CTSS: variants seen among roughly 807,000 people sequenced by gnomAD.
CTSS encodes cathepsin S.
A neutral mutation model predicts 39.9 loss-of-function variants in CTSS; 15 were observed. The observed-to-expected ratio is 0.38, with a 90% CI of 0.25 to 0.58. The LOEUF (loss-of-function observed/expected upper bound fraction) is 0.58. Ranked by LOEUF, CTSS falls within the 20% of genes least tolerant of loss-of-function variation. The pLI is 0.70. For missense variants in CTSS, 250 were observed against 398.2 expected, an observed-to-expected ratio of 0.63 and a Z score of 3.17; for synonymous variants, 126 against 138.2, an observed-to-expected ratio of 0.91 and a Z score of 0.62.
intron 7 of CTSS, among the ~76,000 whole-genome samples, chr1:150,746,517 A>T (rs1652898386): frequency 6.6e-6 from 1 of 152,194 alleles, no homozygotes; most frequent in Admixed American, 6.5e-5. Flanking sequence ...AGACAGGTAA[A>T]TATACAATTT....
At chr1:150,757,746 G>T in intron 3 of CTSS, 112 bp downstream of exon 3, 1 of 1,089,544 alleles carries the variant, frequency 9.2e-7, no homozygotes, top group Non-Finnish European at 1.3e-6. Context: ...TTCCAACTTT[G>T]TACTATACAT....
chr1:150,745,130 A>T (rs1301383584), intron 7 of CTSS, among the ~76,000 whole-genome samples: 1 of 152,084 alleles, frequency 6.6e-6, no homozygotes, highest in African/African-American at 2.4e-5. Context: ...TGTGTGCCAC[A>T]GTGGGAAAAG....
intron 2 of CTSS, among the ~76,000 whole-genome samples, chr1:150,761,733 A>G (rs1015137552): frequency 6.6e-6 from 1 of 151,786 alleles, no homozygotes; most frequent in Non-Finnish European, 1.5e-5. Flanking sequence ...TTCCATCTCA[A>G]AAAAACAAGA....
At chr1:150,763,835 G>A (rs1370474211) in intron 2 of CTSS, among the ~76,000 whole-genome samples, 2 of 152,234 alleles carry the variant, frequency 1.3e-5, no homozygotes, top group African/African-American at 2.4e-5. Context: ...GGGTATTAAC[G>A]CCTTTTCGCT....
At chr1:150,750,807 A>AT (rs1170774186) in intron 5 of CTSS, among the ~76,000 whole-genome samples, 1 of 151,682 alleles carries the variant, frequency 6.6e-6, no homozygotes, top group Non-Finnish European at 1.5e-5. Flanking sequence ...TGCCTGGCTA[A>AT]TTTTTTTGAT....
In CTSS at chr1:150,732,178, T is replaced by C. The variant is rs1211422458; in HGVS notation, c.*868A>G. Reference sequence around the variant, plus strand: ...CTCCTACTTCAGCCTCCCAAAGTGTTGGGATTACAGGCATGAGCCACTACA... The same window carrying C: ...CTCCTACTTCAGCCTCCCAAAGTGTCGGGATTACAGGCATGAGCCACTACA... On this transcript the variant is annotated 3_prime_UTR_variant, in exon 8 of 8. Coordinates refer to ENST00000368985, the MANE Select transcript of CTSS (RefSeq NM_004079.5). The C allele has an allele frequency of 6.6e-6, 1 of 152,342 alleles. No individual in the cohort carries two copies. Among genetic ancestry groups the C allele is most frequent in the Non-Finnish European group, 1.5e-5 (1 of 68,160 alleles). 9.4% of individuals were successfully genotyped at this position (152,342 alleles called of 1,614,324 possible). A position where few individuals can be genotyped will look rare whatever the true frequency, so the allele number is the denominator to read the frequency against.
At chr1:150,760,656 A>G (rs1428806899) in intron 2 of CTSS, among the ~76,000 whole-genome samples, 2 of 151,820 alleles carry the variant, frequency 1.3e-5, no homozygotes, top group East Asian at 3.9e-4. Flanking sequence ...AGGTGGGAGG[A>G]TTGTGTGAAT....
intron 7 of CTSS, 109 bp from the exon 8 acceptor site, chr1:150,733,254 T>A: frequency 1.4e-6 from 1 of 698,984 alleles, no homozygotes; most frequent in Non-Finnish European, 2.4e-6. Context: ...TGAAAGGCCG[T>A]AAAACAAAAT....
chr1:150,749,258 G>A (rs1019859835), intron 6 of CTSS, among the ~76,000 whole-genome samples: 1 of 152,188 alleles, frequency 6.6e-6, no homozygotes, highest in African/African-American at 2.4e-5. Flanking sequence ...CACTTGTACC[G>A]AACAGTCAGG....
At chr1:150,741,885 G>A (rs74541027) in intron 7 of CTSS, among the ~76,000 whole-genome samples, 66 of 51,848 alleles carry the variant, frequency 1.3e-3, no homozygotes, top group Admixed American at 2.3e-3. Context: ...AAAAAAAAAA[G>A]GGGGGGGGAA....
intron 4 of CTSS, among the ~76,000 whole-genome samples, chr1:150,754,430 C>CTTT (rs35667418): frequency 1.5e-5 from 2 of 135,172 alleles, no homozygotes; most frequent in Non-Finnish European, 3.2e-5. Context: ...TATACTTTAC[C>CTTT]TTTTTTTTTT....
rs146565306 is a variant in CTSS, at chr1:150,735,623, G to A, written c.897-2478C>T. Among the ~76,000 whole-genome samples the A allele has an allele frequency of 5.3e-5, 8 of 152,100 alleles. No homozygotes were observed. The East Asian group carries it at 5.8e-4, about 11-fold the overall frequency. ...TGTTTGTTTTTGACAGAGTCTCACC[G>A]TGTTGCCCTGGTTGGAGTGTGGTGG... On this transcript the variant is annotated intron_variant, in intron 7 of 7. Transcript: ENST00000368985.
At chr1:150,747,460 G>T (rs1652913798) in intron 7 of CTSS, among the ~76,000 whole-genome samples, 3 of 152,234 alleles carry the variant, frequency 2.0e-5, no homozygotes, top group South Asian at 4.1e-4. Context: ...AGAGGAATGG[G>T]CAGATGATAG....
chr1:150,744,637 ATGTATGCATACATAATATGTATTG>A (rs1571096718), intron 7 of CTSS, among the ~76,000 whole-genome samples: 3 of 140,392 alleles, frequency 2.1e-5, no homozygotes, highest in South Asian at 2.1e-4. Context: ...ATTATAGATT[ATGTATGCATACATAATATGTATTG>A]TATATTATGT....
intron 7 of CTSS, among the ~76,000 whole-genome samples, chr1:150,739,371 C>T (rs995148709): frequency 2.2e-4 from 33 of 152,102 alleles, no homozygotes; most frequent in African/African-American, 7.5e-4. Context: ...AAAGGGAAAG[C>T]TCTTGGAGGA....
In CTSS at chr1:150,747,861, G is replaced by T. The variant is rs752949974; in HGVS notation, c.812C>A (p.Ser271Tyr). The change falls in exon 7 of 8, where the codon TCC becomes TAC. Residue 271 changes from serine to tyrosine, a missense_variant. Transcript: ENST00000368985. ...LYRSGVYYEP[S>Y]CTQNVNHGVL... is the part of the protein sequence containing the mutation. Reference sequence around the variant, plus strand: ...ACCATGATTCACATTCTGAGTACAGGATGGTTCATAGTAGACACCTGAGAA... The same window carrying T: ...ACCATGATTCACATTCTGAGTACAGTATGGTTCATAGTAGACACCTGAGAA... The T allele has an allele frequency of 7.4e-6, 12 of 1,612,604 alleles. No homozygotes were observed. The highest frequency in any genetic ancestry group is 9.3e-6 in the Non-Finnish European group (11 of 1,178,664).
At chr1:150,751,755 G>T in intron 5 of CTSS, 26 bp downstream of exon 5, 1 of 1,600,162 alleles carries the variant, frequency 6.2e-7, no homozygotes, top group Non-Finnish European at 8.6e-7. Context: ...TCATGGGGCA[G>T]CACAAAAAGT....
chr1:150,741,840 A>G (rs992190737), intron 7 of CTSS, among the ~76,000 whole-genome samples: 2 of 150,542 alleles, frequency 1.3e-5, no homozygotes, highest in South Asian at 2.1e-4. Context: ...GTGCCACTGC[A>G]CTCCAGCTTG....
At chr1:150,734,800 C>G (rs1652599784) in intron 7 of CTSS, among the ~76,000 whole-genome samples, 1 of 152,012 alleles carries the variant, frequency 6.6e-6, no homozygotes, top group South Asian at 2.1e-4. Flanking sequence ...GAAAAAGTCA[C>G]CAAAATATTC....
Sources: gnomAD v4.1 joint callset for allele counts (sites outside exome capture counted in the v4.1 genomes callset) on GRCh38, gnomAD v4.1.1 for gene constraint, MANE v1.5 for transcripts, NCBI Gene and HGNC (gene_info 2026-07-23, HGNC 2026-07-21) for gene names.